The following PSMA3 variants were observed in gnomAD, a reference collection of about 807,000 sequenced individuals.
PSMA3 encodes the protein proteasome subunit alpha type-3.
PSMA3 carries 8 observed loss-of-function variants against 40.0 expected under a neutral mutation model. That is an observed-to-expected ratio of 0.20 (90% CI 0.12 to 0.36). The LOEUF is 0.36. Among genes scored for constraint, PSMA3 ranks in the 10% least tolerant of loss-of-function variants. PSMA3 has a pLI of 1.00. For synonymous variants in PSMA3, 110 were observed against 100.0 expected (o/e 1.10, Z -0.59); for missense variants, 219 against 310.6 (o/e 0.70, Z 2.22).
chr14:58,251,970 T>G lies in PSMA3; in HGVS notation c.105-149T>G, dbSNP rs1890021792. On this transcript the variant is annotated intron_variant, in intron 2 of 10. Coordinates refer to ENST00000216455, the MANE Select transcript of PSMA3 (RefSeq NM_002788.4). ...TATGGATTTAATGTATTTATTACAC[T>G]TTAGTGTGTTTTCTCTTCCTGGTTT... 7.0e-6 allele frequency: 5 copies of G among 711,164 alleles called. No homozygotes were observed. In the South Asian group the frequency reaches 1.1e-4, roughly 15 times the overall value. The allele number at this position is 711,164 out of a possible 1,614,324, so 44.1% of individuals were successfully genotyped here.
At chr14:58,256,461 A>C (rs1410476173) in intron 3 of PSMA3, among the ~76,000 whole-genome samples, 1 of 137,720 alleles carries the variant, frequency 7.3e-6, no homozygotes, top group Admixed American at 7.5e-5. Flanking sequence ...GTTGCCCAGG[A>C]TGGAGTGCAG....
chr14:58,250,447 A>G (rs1889985907), intron 2 of PSMA3, among the ~76,000 whole-genome samples: 1 of 152,158 alleles, frequency 6.6e-6, no homozygotes, highest in Non-Finnish European at 1.5e-5. Flanking sequence ...CCTCAAAGAC[A>G]TGGAATCAAA....
intron 2 of PSMA3, among the ~76,000 whole-genome samples, chr14:58,249,832 A>G (rs983997122): frequency 6.6e-6 from 1 of 152,208 alleles, no homozygotes; most frequent in Non-Finnish European, 1.5e-5. Flanking sequence ...TATGAAAATA[A>G]TTTTGACCTC....
At chr14:58,270,387 C>T in intron 8 of PSMA3, 31 bp from the exon 9 acceptor site, 1 of 1,611,448 alleles carries the variant, frequency 6.2e-7, no homozygotes, top group Non-Finnish European at 8.5e-7. Flanking sequence ...TGGAGGTTAC[C>T]AAAATCTTAC....
intron 2 of PSMA3, among the ~76,000 whole-genome samples, chr14:58,251,117 GAGAA>G (rs1273485438): frequency 6.6e-6 from 1 of 152,046 alleles, no homozygotes; most frequent in Admixed American, 6.6e-5. Context: ...AAAGAAGAAA[GAGAA>G]AGTTGAGATA....
rs1890364951 is a variant in PSMA3 at position 58,264,116 on chromosome 14, A to G, written c.543+346A>G. Reference sequence around the variant, plus strand: ...AGAGTTGTGTTATACATCCCTTTATAGATTCTGAATAACTGCTATAAAGCC... The same window carrying G: ...AGAGTTGTGTTATACATCCCTTTATGGATTCTGAATAACTGCTATAAAGCC... On this transcript the variant is annotated intron_variant, in intron 7 of 10. Coordinates refer to ENST00000216455, the MANE Select transcript of PSMA3 (RefSeq NM_002788.4). Among the ~76,000 whole-genome samples, 7 of 152,348 alleles carry G rather than the reference A, an allele frequency of 4.6e-5. No individual in the cohort carries two copies. The South Asian group carries it at 1.4e-3, about 32-fold the overall frequency.
At position 58,270,351 on chromosome 14, in the gene PSMA3, T is replaced by TCTG. The variant is rs1190945569; in HGVS notation, c.591-67_591-66insCTG. The TCTG allele has an allele frequency of 3.4e-5, 55 of 1,595,534 alleles. No homozygotes were observed. In the Middle Eastern group the frequency reaches 8.9e-4, roughly 26 times the overall value. On this transcript the variant is annotated intron_variant, in intron 8 of 10. Coordinates refer to ENST00000216455, the MANE Select transcript of PSMA3 (RefSeq NM_002788.4). Reference sequence around the variant, plus strand: ...ATGGACATTCTAATTTGTACTGACTTTGGGTCTGTGAACTACTTCAATGTT... The same window carrying TCTG: ...ATGGACATTCTAATTTGTACTGACTTCTGTGGGTCTGTGAACTACTTCAATGTT...
rs1889843047 is a variant in PSMA3 at position 58,244,920 on chromosome 14, G to C, written c.-1G>C. The C allele has an allele frequency of 6.2e-7, 1 of 1,614,214 alleles. No individual in the cohort carries two copies. Among genetic ancestry groups the C allele is most frequent in the Non-Finnish European group, 8.5e-7 (1 of 1,180,014 alleles). Reference sequence around the variant, plus strand: ...CTACGCGTCCCTTTGGGTTTAGCACGATGAGCTCAATCGGCACTGGGGTGA... The same window carrying C: ...CTACGCGTCCCTTTGGGTTTAGCACCATGAGCTCAATCGGCACTGGGGTGA... On this transcript the variant is annotated 5_prime_UTR_variant, in exon 1 of 11. Coordinates refer to ENST00000216455, the MANE Select transcript of PSMA3 (RefSeq NM_002788.4).
intron 2 of PSMA3, among the ~76,000 whole-genome samples, chr14:58,248,711 T>C (rs1424139983): frequency 6.6e-6 from 1 of 151,618 alleles, no homozygotes; most frequent in African/African-American, 2.4e-5. Flanking sequence ...TCCCAGCACT[T>C]TGGGAGGCTG....
At chr14:58,259,559 C>T (rs1385525377) in intron 5 of PSMA3, among the ~76,000 whole-genome samples, 2 of 152,174 alleles carry the variant, frequency 1.3e-5, no homozygotes, top group African/African-American at 4.8e-5. Flanking sequence ...AAGTGATCCA[C>T]CTCAGCCTCC....
intron 9 of PSMA3, among the ~76,000 whole-genome samples, 199 bp downstream of exon 9, chr14:58,270,684 C>T (rs1885133): frequency 0.73 from 110,648 of 152,116 alleles, 40,808 homozygotes; most frequent in Middle Eastern, 0.87. Flanking sequence ...TTTTAAGATA[C>T]TATGCTATAA....
At chr14:58,270,597 T>A in intron 9 of PSMA3, 112 bp downstream of exon 9, 1 of 1,532,786 alleles carries the variant, frequency 6.5e-7, no homozygotes, top group East Asian at 2.3e-5. Context: ...TACTAGGTTG[T>A]CTAATGAAGG....
intron 6 of PSMA3, among the ~76,000 whole-genome samples, chr14:58,262,174 C>A (rs947133085): frequency 5.9e-5 from 9 of 151,490 alleles, no homozygotes; most frequent in African/African-American, 2.2e-4. Context: ...GGTGGTCTGC[C>A]CACCCCGGCC....
intron 3 of PSMA3, among the ~76,000 whole-genome samples, chr14:58,256,260 CAA>C (rs921130806): frequency 4.4e-4 from 67 of 152,228 alleles, no homozygotes; most frequent in African/African-American, 1.5e-3. Context: ...CCTTTTAGAA[CAA>C]AACAGTTACA....
chr14:58,251,325 G>A (rs1890005778), intron 2 of PSMA3, among the ~76,000 whole-genome samples: 1 of 152,198 alleles, frequency 6.6e-6, no homozygotes, highest in Non-Finnish European at 1.5e-5. Context: ...TCACTCTGTT[G>A]CACAGACTGG....
At chr14:58,270,861 T>A (rs1430555637) in intron 9 of PSMA3, 73 bp from the exon 10 acceptor site, 3 of 1,266,042 alleles carry the variant, frequency 2.4e-6, no homozygotes, top group African/African-American at 3.0e-5. Context: ...ATTGGGTAGA[T>A]CCTATGGTAT....
Position 58,253,374 on chromosome 14 carries a change from G to T in PSMA3, c.228+1132G>T, listed in dbSNP as rs1375351546. Among the ~76,000 whole-genome samples the T allele has an allele frequency of 5.3e-5, 8 of 152,156 alleles. No individual in the cohort carries two copies. The South Asian group carries it at 1.7e-3, about 31-fold the overall frequency. ...AAACTTGGGTCTGCATGTTACTCAA[G>T]AGCCCTTTCTAAATGAAAAGACACC... On this transcript the variant is annotated intron_variant, in intron 3 of 10. Coordinates refer to ENST00000216455, the MANE Select transcript of PSMA3 (RefSeq NM_002788.4).
chr14:58,258,360 C>T (rs8006203), intron 5 of PSMA3: 27,387 of 164,990 alleles, frequency 0.17, 2,754 homozygotes, highest in African/African-American at 0.28. Context: ...ATCATTTGAG[C>T]CCAGGAGTTG....
chr14:58,268,437 C>G (rs1283033928), intron 8 of PSMA3, among the ~76,000 whole-genome samples: 1 of 152,078 alleles, frequency 6.6e-6, no homozygotes, highest in African/African-American at 2.4e-5. Context: ...CACTCAGAGT[C>G]TCTTATTAAC....
Sources: allele counts gnomAD v4.1 joint callset (sites outside exome capture counted in the v4.1 genomes callset), GRCh38; gene constraint gnomAD v4.1.1; transcripts MANE v1.5; gene names NCBI Gene and HGNC (gene_info 2026-07-23, HGNC 2026-07-21).